The following IFT140 variants were observed in gnomAD, a reference collection of about 807,000 sequenced individuals.
IFT140 encodes the protein intraflagellar transport protein 140 homolog.
A neutral mutation model predicts 164.6 loss-of-function variants in IFT140; 133 were observed. That is an observed-to-expected ratio of 0.81 (90% CI 0.70 to 0.93). IFT140 has a LOEUF of 0.93. IFT140 is among the 40% of genes least tolerant of loss of function. The pLI is 0.00. For synonymous variants in IFT140, 860 were observed against 817.3 expected (o/e 1.05, Z -0.89); for missense variants, 2,045 against 1,972.3 (o/e 1.04, Z -0.70).
rs1002157287 is a variant in IFT140, at chr16:1,551,801, C to A, written c.2399+6134G>T. On this transcript the variant is annotated intron_variant, in intron 19 of 30. Transcript: ENST00000426508. This position sits in a 1 kb window ranked among gnomAD's most constrained non-coding sequence, Gnocchi z 4.0. ...GGCAGATCCGGCAAGATCAACTCTG[C>A]GGGACCTCCCACCCGGGCTGGTTGC... Among the ~76,000 whole-genome samples, 2 of 152,190 alleles carry A rather than the reference C, an allele frequency of 1.3e-5. No homozygotes were observed. The highest frequency in any genetic ancestry group is 3.9e-4 in the East Asian group (2 of 5,192).
chr16:1,544,947 C>T (rs994309547), intron 19 of IFT140, among the ~76,000 whole-genome samples: 9 of 152,330 alleles, frequency 5.9e-5, no homozygotes, highest in African/African-American at 2.2e-4. Context: ...GGCACCCGGC[C>T]CAGATCACTG....
chr16:1,587,873 T>TA (rs2141859375), intron 8 of IFT140, 60 bp downstream of exon 8: 8 of 1,332,806 alleles, frequency 6.0e-6, no homozygotes, highest in South Asian at 3.8e-5. Context: ...AAAGCTGACT[T>TA]AGAGGAGCCT....
chr16:1,607,022 G>A, intron 3 of IFT140, 98 bp downstream of exon 3: 2 of 1,179,986 alleles, frequency 1.7e-6, no homozygotes, highest in Non-Finnish European at 2.5e-6. Flanking sequence ...ACACCCATAG[G>A]CACACACACA....
chr16:1,583,639 CAAAG>C (rs1215678265), intron 11 of IFT140, among the ~76,000 whole-genome samples: 3 of 150,344 alleles, frequency 2.0e-5, no homozygotes, highest in Admixed American at 2.0e-4. Context: ...TGGGGAATGG[CAAAG>C]AAAGTATCCC....
Position 1,571,498 on chromosome 16 carries a change from C to T in IFT140, c.1561G>A (p.Glu521Lys), listed in dbSNP as rs768028065. ...ATGTCCAAGAAGCAGGGATTCCCCT[C>T]AGTCTCCGAGAAAAGGAGGAGTTGT... The part of the protein sequence containing the change: ...VKQLLLFSET[E>K]GNPCFLDICG... The change falls in exon 14 of 31, where the codon GAG becomes AAG. Residue 521 changes from glutamate to lysine, a missense_variant. Coordinates refer to ENST00000426508, the MANE Select transcript of IFT140 (RefSeq NM_014714.4). The T allele has an allele frequency of 6.2e-7, 1 of 1,614,096 alleles. No individual in the cohort carries two copies. Among genetic ancestry groups the T allele is most frequent in the Non-Finnish European group, 8.5e-7 (1 of 1,179,922 alleles).
chr16:1,573,632 A>G (rs760712162), intron 13 of IFT140, among the ~76,000 whole-genome samples: 2 of 152,084 alleles, frequency 1.3e-5, no homozygotes, highest in Non-Finnish European at 2.9e-5. Flanking sequence ...AAAACTCAGA[A>G]CATCCTCAGT....
At chr16:1,514,989 G>A (rs1391820399) in intron 30 of IFT140, among the ~76,000 whole-genome samples, 1 of 152,090 alleles carries the variant, frequency 6.6e-6, no homozygotes, top group African/African-American at 2.4e-5. Context: ...TTGCTGGAGA[G>A]GTTAACAGCA....
intron 19 of IFT140, chr16:1,540,987 G>A (rs1386446612): frequency 2.0e-6 from 2 of 985,238 alleles, no homozygotes; most frequent in Admixed American, 6.2e-5. Flanking sequence ...CACCTCATTT[G>A]GGCCCCTGTG....
chr16:1,566,052 C>G, intron 16 of IFT140, 109 bp downstream of exon 16: 1 of 995,540 alleles, frequency 1.0e-6, no homozygotes, highest in East Asian at 2.5e-5. Context: ...CTACTGGTGC[C>G]TGCTGGGGCC....
chr16:1,516,161 A>ACC (rs1335949588), intron 30 of IFT140, among the ~76,000 whole-genome samples: 1 of 138,176 alleles, frequency 7.2e-6, no homozygotes, highest in Admixed American at 7.2e-5. Flanking sequence ...AAAAAAAAAA[A>ACC]AAAAAAAAAA....
At position 1,534,190 on chromosome 16, in the gene IFT140, C is replaced by T. The variant is rs1042492803; in HGVS notation, c.2400-7394G>A. ...ATGAGTGGTGATGTCCTCTAGCCACCCCTAGCAGCGTCGGCTCTCCCTGGA... is the reference window on the plus strand; with the variant it reads ...ATGAGTGGTGATGTCCTCTAGCCACTCCTAGCAGCGTCGGCTCTCCCTGGA... On this transcript the variant is annotated intron_variant, in intron 19 of 30. Coordinates refer to ENST00000426508, the MANE Select transcript of IFT140 (RefSeq NM_014714.4). The T allele has an allele frequency of 4.2e-5, 66 of 1,555,828 alleles. 2 individuals carry two copies. In the Admixed American group the frequency reaches 7.6e-4, roughly 18 times the overall value.
chr16:1,534,670 T>G, intron 19 of IFT140: 1 of 1,453,260 alleles, frequency 6.9e-7, no homozygotes, highest in Non-Finnish European at 9.4e-7. Flanking sequence ...TGCTCTGCCC[T>G]GAGCGTGGCC....
chr16:1,601,996 C>T (rs1237238351), intron 4 of IFT140, among the ~76,000 whole-genome samples: 4 of 152,218 alleles, frequency 2.6e-5, no homozygotes, highest in African/African-American at 9.7e-5. Flanking sequence ...CCAGCTGAAT[C>T]CTCCCCCAAA....
chr16:1,578,660 T>C (rs1193778673), intron 13 of IFT140, among the ~76,000 whole-genome samples: 1 of 151,614 alleles, frequency 6.6e-6, no homozygotes, highest in Admixed American at 6.6e-5. Flanking sequence ...GGTGGGTGGA[T>C]CACGAGGTCA....
At chr16:1,545,530 T>C (rs2141331606) in intron 19 of IFT140, among the ~76,000 whole-genome samples, 1 of 152,224 alleles carries the variant, frequency 6.6e-6, no homozygotes, top group African/African-American at 2.4e-5. Flanking sequence ...TTTCCTGTAC[T>C]CGCGTCTGTT....
At chr16:1,543,738 G>A (rs1168333357) in intron 19 of IFT140, among the ~76,000 whole-genome samples, 7 of 152,204 alleles carry the variant, frequency 4.6e-5, no homozygotes, top group African/African-American at 1.4e-4. Flanking sequence ...GACTCTCAAC[G>A]AGGTACCCAG....
chr16:1,552,200 C>T (rs2032703933), intron 19 of IFT140, among the ~76,000 whole-genome samples: 1 of 152,130 alleles, frequency 6.6e-6, no homozygotes, highest in Admixed American at 6.5e-5. Context: ...AGGCTGTGGC[C>T]ATGGCGGGCT....
chr16:1,608,859 C>T (rs1390724877), intron 2 of IFT140, among the ~76,000 whole-genome samples: 1 of 151,956 alleles, frequency 6.6e-6, no homozygotes, highest in Non-Finnish European at 1.5e-5. Context: ...GGGATTACCT[C>T]TTAAAATGAG....
intron 30 of IFT140, among the ~76,000 whole-genome samples, chr16:1,515,301 C>T (rs575240678): frequency 3.9e-5 from 6 of 152,264 alleles, no homozygotes; most frequent in Non-Finnish European, 7.3e-5. Flanking sequence ...GATGGAGAGA[C>T]ACATGACATG....
Sources: gnomAD v4.1 joint callset for allele counts (sites outside exome capture counted in the v4.1 genomes callset) on GRCh38, gnomAD v4.1.1 for gene constraint, Gnocchi (gnomAD v3.1) non-coding constraint, MANE v1.5 for transcripts, NCBI Gene and HGNC (gene_info 2026-07-23, HGNC 2026-07-21) for gene names.